The following EXOC6B variants were observed in gnomAD, a reference collection of about 807,000 sequenced individuals.
EXOC6B encodes exocyst complex component 6B, also known as SEC15 homolog B.
EXOC6B carries 54 observed loss-of-function variants against 113.5 expected under a neutral mutation model. That is an observed-to-expected ratio of 0.48 (90% confidence interval 0.38 to 0.60). The LOEUF (loss-of-function observed/expected upper bound fraction) is 0.60, where lower values mean the gene tolerates loss of function less well. Among genes scored for constraint, EXOC6B ranks in the 20% least tolerant of loss-of-function variants. The probability of loss-of-function intolerance (pLI) is 0.00; values close to 1 mark genes in which losing one functional copy is unlikely to be tolerated. For synonymous variants in EXOC6B, 357 were observed against 339.0 expected (o/e 1.05, Z -0.58); for missense variants, 797 against 977.5 (o/e 0.82, Z 2.46).
chr2:72,731,990 G>A (rs1680668424), intron 3 of EXOC6B, among the ~76,000 whole-genome samples: 1 of 152,172 alleles, frequency 6.6e-6, no homozygotes, highest in South Asian at 2.1e-4. Flanking sequence ...GTAAAATACA[G>A]CAAATCATTT....
chr2:72,327,468 C>T (rs565322597), intron 20 of EXOC6B, among the ~76,000 whole-genome samples: 1 of 152,190 alleles, frequency 6.6e-6, no homozygotes, highest in East Asian at 1.9e-4. Flanking sequence ...GGAAGTTAGA[C>T]CCCTGAGGTG....
At chr2:72,431,337 G>A (rs1387966583) in intron 18 of EXOC6B, among the ~76,000 whole-genome samples, 1 of 151,948 alleles carries the variant, frequency 6.6e-6, no homozygotes, top group Non-Finnish European at 1.5e-5. Context: ...TAGAGATGGG[G>A]TCTCAGTCTA....
chr2:72,233,071 C>T (rs1036755983), intron 20 of EXOC6B, among the ~76,000 whole-genome samples: 5 of 126,932 alleles, frequency 3.9e-5, no homozygotes, highest in Non-Finnish European at 6.7e-5. Flanking sequence ...AACTCCGTCC[C>T]AAAAAAAAAA....
intron 18 of EXOC6B, among the ~76,000 whole-genome samples, chr2:72,400,166 A>G (rs1368777764): frequency 1.3e-5 from 2 of 152,184 alleles, no homozygotes; most frequent in African/African-American, 4.8e-5. Context: ...AAACTCAACA[A>G]AAATATACAC....
chr2:72,400,096 T>C (rs1300735855), intron 18 of EXOC6B, among the ~76,000 whole-genome samples: 2 of 152,054 alleles, frequency 1.3e-5, no homozygotes, highest in Non-Finnish European at 2.9e-5. Context: ...CAAGGATCAA[T>C]GGAAAAGAAG....
At chr2:72,575,730 A>C in intron 6 of EXOC6B, 62 bp from the exon 7 acceptor site, 1 of 1,370,800 alleles carries the variant, frequency 7.3e-7, no homozygotes, top group Admixed American at 2.9e-5. Context: ...GAGAGAAAGA[A>C]AGAAAAAAAG....
At chr2:72,368,961 G>A (rs1690819469) in intron 19 of EXOC6B, among the ~76,000 whole-genome samples, 1 of 152,178 alleles carries the variant, frequency 6.6e-6, no homozygotes, top group Non-Finnish European at 1.5e-5. Context: ...GCACAAGACA[G>A]GGATGCCCAC....
At chr2:72,467,189 A>T (rs1270711344) in intron 17 of EXOC6B, among the ~76,000 whole-genome samples, 2 of 152,200 alleles carry the variant, frequency 1.3e-5, no homozygotes, top group Non-Finnish European at 2.9e-5. Context: ...ACTGTATAGT[A>T]TTGCATTCTG....
intron 21 of EXOC6B, 91 bp from the exon 22 acceptor site, chr2:72,179,552 A>T (rs889101460): frequency 7.0e-7 from 1 of 1,424,068 alleles, no homozygotes; most frequent in African/African-American, 1.4e-5. Context: ...AATGCATCTT[A>T]ACCACTACCC....
intron 18 of EXOC6B, among the ~76,000 whole-genome samples, chr2:72,413,203 C>T (rs182448766): frequency 0.01 from 1,534 of 151,484 alleles, 22 homozygotes; most frequent in African/African-American, 0.034. Context: ...CCTCGTGATC[C>T]GCCCACCTCG....
intron 8 of EXOC6B, 78 bp downstream of exon 8, chr2:72,559,375 A>G (rs1047432222): frequency 6.5e-5 from 67 of 1,029,334 alleles, no homozygotes; most frequent in Non-Finnish European, 5.4e-6. Flanking sequence ...AATAAACAGA[A>G]AAACTACCAA....
In EXOC6B at chr2:72,515,516, T is replaced by C. The variant is rs753702590; in HGVS notation, c.916-390A>G. 5.3e-5 allele frequency: 54 copies of C among 1,020,756 alleles called. 1 individual carries two copies. The highest frequency in any genetic ancestry group is 5.0e-5 in the Non-Finnish European group (43 of 853,068). The allele number at this position is 1,020,756 out of a possible 1,614,324, so 63.2% of individuals were successfully genotyped here. A position where few individuals can be genotyped will look rare whatever the true frequency, so the allele number is the denominator to read the frequency against. On this transcript the variant is annotated intron_variant, in intron 8 of 21. Transcript: ENST00000272427. ...CATTCCAGAAGAAAAACATCAAGAA[T>C]AAAAATGAATCATGAACAAAGGGGC...
At chr2:72,602,313 T>C (rs2104009472) in intron 6 of EXOC6B, among the ~76,000 whole-genome samples, 1 of 152,348 alleles carries the variant, frequency 6.6e-6, no homozygotes, top group South Asian at 2.1e-4. Context: ...CATGAATGAA[T>C]ATAATTCTCA....
At chr2:72,774,425 G>A (rs574645414) in intron 1 of EXOC6B, among the ~76,000 whole-genome samples, 1 of 152,254 alleles carries the variant, frequency 6.6e-6, no homozygotes, top group East Asian at 1.9e-4. Flanking sequence ...TGGTGAGAAT[G>A]AAGAGAAACT....
rs149884241 is a variant in EXOC6B at position 72,386,637 on chromosome 2, A to G, written c.1981-6767T>C. Among the ~76,000 whole-genome samples the G allele has an allele frequency of 1.2e-4, 18 of 152,354 alleles. No homozygotes were observed. The East Asian group carries it at 3.5e-3, about 29-fold the overall frequency. ...GCTGCTACTTCAGAGGGTGCAAGCC[A>G]TAAGCCTTGGCAGCTTTCATGTGTT... is the stretch of plus-strand genomic sequence containing the variant. On this transcript the variant is annotated intron_variant, in intron 18 of 21. Transcript: ENST00000272427.
intron 19 of EXOC6B, among the ~76,000 whole-genome samples, chr2:72,358,270 C>T (rs980673681): frequency 5.9e-5 from 9 of 152,208 alleles, no homozygotes; most frequent in African/African-American, 2.2e-4. Flanking sequence ...ACGTGCTCCC[C>T]CTTCTCATAA....
chr2:72,247,112 G>T (rs1452457820), intron 20 of EXOC6B, among the ~76,000 whole-genome samples: 2 of 152,182 alleles, frequency 1.3e-5, no homozygotes, highest in African/African-American at 2.4e-5. Context: ...ATAGGACTTT[G>T]TGCTATAAGG....
chr2:72,187,127 G>T (rs1558995409), intron 20 of EXOC6B, among the ~76,000 whole-genome samples: 1 of 152,140 alleles, frequency 6.6e-6, no homozygotes, highest in Non-Finnish European at 1.5e-5. Context: ...CTGTGAGAAT[G>T]CAGCTGGACC....
intron 20 of EXOC6B, among the ~76,000 whole-genome samples, chr2:72,279,146 C>T (rs1684972970): frequency 6.6e-6 from 1 of 152,208 alleles, no homozygotes. Context: ...TCCTTCCCTT[C>T]ACTATCTCTT....
Sources: gnomAD v4.1 joint callset for allele counts (sites outside exome capture counted in the v4.1 genomes callset) on GRCh38, gnomAD v4.1.1 for gene constraint, MANE v1.5 for transcripts, NCBI Gene and HGNC (gene_info 2026-07-23, HGNC 2026-07-21) for gene names.